Variants in FBXL13 observed in about 807,000 individuals in gnomAD.
FBXL13 encodes F-box and leucine-rich repeat protein 13.
Under a neutral mutation model 83.6 loss-of-function variants are expected in FBXL13, and 67 were observed. That is an observed-to-expected ratio of 0.80 (90% confidence interval 0.66 to 0.98). FBXL13 has a LOEUF of 0.98. Ranked by LOEUF, FBXL13 falls within the 50% of genes least tolerant of loss-of-function variation. The pLI is 0.00. For synonymous variants in FBXL13, 272 were observed against 299.5 expected, an observed-to-expected ratio of 0.91 and a Z score of 0.95; for missense variants, 822 against 866.5, an observed-to-expected ratio of 0.95 and a Z score of 0.64.
chr7:102,883,440 A>C (rs1810378799), exon 14 of FBXL13: 1 of 1,613,004 alleles, frequency 6.2e-7, no homozygotes, highest in Non-Finnish European at 8.5e-7. Context: ...TATAAATTTG[A>C]AGGATGCATC....
intron 17 of FBXL13, among the ~76,000 whole-genome samples, chr7:102,840,821 G>T (rs1802800200): frequency 6.6e-6 from 1 of 152,130 alleles, no homozygotes; most frequent in Non-Finnish European, 1.5e-5. Context: ...AGAGGAGAAA[G>T]AAAATAACTG....
At chr7:102,889,595 T>C (rs1242839358) in intron 11 of FBXL13, among the ~76,000 whole-genome samples, 1 of 151,852 alleles carries the variant, frequency 6.6e-6, no homozygotes, top group African/African-American at 2.4e-5. Flanking sequence ...CCGTGTGTGA[T>C]GTTCCCTGCC....
chr7:102,964,310 C>A (rs1464210013), intron 7 of FBXL13, among the ~76,000 whole-genome samples: 7 of 142,048 alleles, frequency 4.9e-5, no homozygotes, highest in Admixed American at 6.9e-5. Context: ...AACTCCAACT[C>A]AAAAAAAAAA....
At chr7:102,963,385 ATAT>A (rs1825585885) in intron 8 of FBXL13, 145 bp downstream of exon 9, 2 of 903,626 alleles carry the variant, frequency 2.2e-6, no homozygotes, top group Non-Finnish European at 3.3e-6. Flanking sequence ...GAGCTGCACT[ATAT>A]TATACACTTA....
intron 11 of FBXL13, among the ~76,000 whole-genome samples, chr7:102,888,203 A>T (rs993524192): frequency 9.8e-5 from 15 of 152,342 alleles, no homozygotes; most frequent in Admixed American, 1.3e-4. Context: ...GAGTAAGATA[A>T]AGTCTGGGAA....
intron 1 of FBXL13, among the ~76,000 whole-genome samples, chr7:103,072,371 G>A (rs1471937323): frequency 1.3e-5 from 2 of 152,172 alleles, no homozygotes; most frequent in Admixed American, 1.3e-4. Context: ...TAGCAGAGGT[G>A]AGTGAAGGAC....
At chr7:103,030,642 A>C (rs1369349564) in intron 2 of FBXL13, among the ~76,000 whole-genome samples, 1 of 151,736 alleles carries the variant, frequency 6.6e-6, no homozygotes, top group Non-Finnish European at 1.5e-5. Flanking sequence ...ATATGTCATA[A>C]AAATATGAGT....
chr7:102,916,116 T>C (rs1427380434), intron 10 of FBXL13, among the ~76,000 whole-genome samples: 1 of 152,132 alleles, frequency 6.6e-6, no homozygotes, highest in Non-Finnish European at 1.5e-5. Context: ...CCCAAGTAGC[T>C]GGGATTACAG....
intron 11 of FBXL13, among the ~76,000 whole-genome samples, chr7:102,897,343 G>C (rs115274737): frequency 1.3e-5 from 2 of 151,824 alleles, no homozygotes; most frequent in Admixed American, 6.6e-5. Context: ...AACTTAAAGA[G>C]GCACTTTAAC....
intron 6 of FBXL13, chr7:102,973,640 G>A (rs531224265): frequency 1.3e-6 from 1 of 766,256 alleles, no homozygotes; most frequent in Admixed American, 1.7e-5. Flanking sequence ...CCCGGGAGGG[G>A]CTCCGGTCTT....
chr7:102,874,338 G>A (rs1365037627), intron 16 of FBXL13: 1 of 985,302 alleles, frequency 1.0e-6, no homozygotes, highest in Non-Finnish European at 1.2e-6. Context: ...TTCCTCAGCT[G>A]TTGTAGCACT....
intron 6 of FBXL13, among the ~76,000 whole-genome samples, chr7:103,022,321 G>A (rs1397620619): frequency 6.7e-6 from 1 of 150,004 alleles, no homozygotes; most frequent in Non-Finnish European, 1.5e-5. Context: ...CACACACCAG[G>A]GCCTGTAGTG....
intron 11 of FBXL13, among the ~76,000 whole-genome samples, chr7:102,895,375 G>A (rs987291533): frequency 3.3e-5 from 5 of 152,144 alleles, no homozygotes; most frequent in Non-Finnish European, 7.4e-5. Flanking sequence ...GGGAGGCACC[G>A]AAGCAGAAAC....
At chr7:103,020,710 T>A (rs1793055301) in intron 6 of FBXL13, among the ~76,000 whole-genome samples, 1 of 152,116 alleles carries the variant, frequency 6.6e-6, no homozygotes, top group African/African-American at 2.4e-5. Context: ...GAGAGCCAAA[T>A]CATGAGTGAA....
chr7:102,983,099 C>T (rs893406612), intron 6 of FBXL13, among the ~76,000 whole-genome samples: 1 of 152,128 alleles, frequency 6.6e-6, no homozygotes, highest in Non-Finnish European at 1.5e-5. Flanking sequence ...CCTGCTGGGA[C>T]TTGAGTCTAA....
At chr7:102,979,014 A>G (rs1016019157) in intron 6 of FBXL13, among the ~76,000 whole-genome samples, 4 of 152,246 alleles carry the variant, frequency 2.6e-5, no homozygotes, top group Admixed American at 6.5e-5. Flanking sequence ...GGAAATCTAC[A>G]TGATATAAAG....
chr7:102,866,228 C>T (rs1463555129), intron 16 of FBXL13, among the ~76,000 whole-genome samples: 1 of 152,134 alleles, frequency 6.6e-6, no homozygotes, highest in Non-Finnish European at 1.5e-5. Flanking sequence ...AGAGGAGAGT[C>T]ATGCTGCCAA....
chr7:102,910,344 T>G (rs1163340107), intron 11 of FBXL13, among the ~76,000 whole-genome samples: 1 of 152,116 alleles, frequency 6.6e-6, no homozygotes, highest in Non-Finnish European at 1.5e-5. Context: ...TGACTGCTCA[T>G]CTGATTTTTG....
intron 19 of FBXL13, among the ~76,000 whole-genome samples, chr7:102,820,500 A>G (rs1384576636): frequency 6.6e-6 from 1 of 152,200 alleles, no homozygotes; most frequent in East Asian, 1.9e-4. Context: ...CTAGGGACCT[A>G]GCAAGAAGAC....
Sources: gnomAD v4.1 joint callset for allele counts (sites outside exome capture counted in the v4.1 genomes callset) on GRCh38, gnomAD v4.1.1 for gene constraint, MANE v1.5 for transcripts, NCBI Gene and HGNC (gene_info 2026-07-23, HGNC 2026-07-21) for gene names.